Variants in SH3GL2 observed in about 807,000 individuals in gnomAD.
The protein encoded by SH3GL2 is SH3 domain containing GRB2 like 2, endophilin A1.
SH3GL2 carries 24 observed loss-of-function variants against 46.0 expected under a neutral mutation model. The observed-to-expected ratio is 0.52, with a 90% CI of 0.38 to 0.73. The LOEUF is 0.73. Among genes scored for constraint, SH3GL2 ranks in the 30% least tolerant of loss-of-function variants. The probability of loss-of-function intolerance (pLI) is 0.00; values close to 1 mark genes in which losing one functional copy is unlikely to be tolerated. For missense variants in SH3GL2, 413 were observed against 424.2 expected (o/e 0.97, Z 0.23); for synonymous variants, 196 against 147.1 (o/e 1.33, Z -2.40).
Position 17,607,575 on chromosome 9 carries a change from C to T in SH3GL2, c.45+28288C>T, listed in dbSNP as rs74493608. ...GCCATCGTTGACCAAAATGTCTATG[C>T]GGCACGTGGCTGTATTTAGCTGAAC... On this transcript the variant is annotated intron_variant, in intron 1 of 8. Coordinates refer to ENST00000380607, the MANE Select transcript of SH3GL2 (RefSeq NM_003026.5). Among the ~76,000 whole-genome samples, 1,403 of 152,250 alleles carry T rather than the reference C, an allele frequency of 9.2e-3. 20 individuals carry two copies. Among genetic ancestry groups the T allele is most frequent in the African/African-American group, 0.031 (1,295 of 41,530 alleles).
intron 1 of SH3GL2, among the ~76,000 whole-genome samples, chr9:17,583,684 C>A (rs1284407852): frequency 1.3e-5 from 2 of 152,052 alleles, no homozygotes; most frequent in Non-Finnish European, 2.9e-5. Context: ...TTTGGGTAGG[C>A]TGGGTTTTAT....
intron 1 of SH3GL2, among the ~76,000 whole-genome samples, chr9:17,735,468 C>T (rs1386622507): frequency 2.0e-5 from 3 of 152,032 alleles, no homozygotes; most frequent in Admixed American, 6.6e-5. Context: ...CTACAGTTGA[C>T]CCTTGAACAA....
rs73424588 is a variant in SH3GL2, at chr9:17,789,639, A to G, written c.624+89A>G. ...GGCCATAACCCTTAAAAGCATTAAT[A>G]TCTGATTACACTATGTGATAAGAAC... is the stretch of plus-strand genomic sequence containing the variant. On this transcript the variant is annotated intron_variant, in intron 6 of 8. Coordinates refer to ENST00000380607, the MANE Select transcript of SH3GL2 (RefSeq NM_003026.5). The G allele has an allele frequency of 1.9e-3, 3,043 of 1,569,620 alleles. 49 individuals are homozygous for G. The African/African-American group carries it at 0.037, about 19-fold the overall frequency.
chr9:17,621,285 A>T (rs1278526374), intron 1 of SH3GL2, among the ~76,000 whole-genome samples: 1 of 152,244 alleles, frequency 6.6e-6, no homozygotes. Context: ...TTGGAGGTAT[A>T]GCTGAACTAC....
At chr9:17,677,898 G>A (rs981940939) in intron 1 of SH3GL2, among the ~76,000 whole-genome samples, 3 of 151,792 alleles carry the variant, frequency 2.0e-5, no homozygotes, top group Non-Finnish European at 4.4e-5. Context: ...TTGTCCTTGC[G>A]ATAGTTTGCT....
intron 1 of SH3GL2, among the ~76,000 whole-genome samples, chr9:17,700,070 G>A (rs535254503): frequency 1.4e-5 from 2 of 144,982 alleles, no homozygotes; most frequent in South Asian, 4.5e-4. Context: ...AATAGTTCTG[G>A]CTACCACAAT....
At chr9:17,683,812 C>G (rs1450594043) in intron 1 of SH3GL2, among the ~76,000 whole-genome samples, 1 of 152,016 alleles carries the variant, frequency 6.6e-6, no homozygotes, top group Non-Finnish European at 1.5e-5. Context: ...AACACTGTGG[C>G]AAACCAGCCC....
intron 1 of SH3GL2, among the ~76,000 whole-genome samples, chr9:17,731,065 C>T (rs976788327): frequency 6.6e-6 from 1 of 152,118 alleles, no homozygotes; most frequent in Non-Finnish European, 1.5e-5. Flanking sequence ...TTCTGTGGTT[C>T]TGCAGATGAA....
intron 1 of SH3GL2, among the ~76,000 whole-genome samples, chr9:17,671,567 G>A (rs970258122): frequency 6.6e-6 from 1 of 152,050 alleles, no homozygotes; most frequent in African/African-American, 2.4e-5. Flanking sequence ...ATCACTCATT[G>A]CATGCTTGTA....
At chr9:17,692,176 A>G (rs1821097024) in intron 1 of SH3GL2, among the ~76,000 whole-genome samples, 2 of 152,118 alleles carry the variant, frequency 1.3e-5, no homozygotes, top group South Asian at 4.1e-4. Context: ...TTAAAAAAGT[A>G]GAGGGTGCTT....
intron 1 of SH3GL2, among the ~76,000 whole-genome samples, chr9:17,593,497 G>A (rs1460724944): frequency 6.6e-6 from 1 of 152,106 alleles, no homozygotes; most frequent in Non-Finnish European, 1.5e-5. Flanking sequence ...TGGGTATTTT[G>A]AGGTATATAT....
chr9:17,582,264 T>C (rs1818291504), intron 1 of SH3GL2, among the ~76,000 whole-genome samples: 2 of 104,722 alleles, frequency 1.9e-5, no homozygotes, highest in South Asian at 2.7e-4. Flanking sequence ...CATGAAAATA[T>C]ATAATGATAC....
At position 17,600,430 on chromosome 9, in the gene SH3GL2, C is replaced by T. The variant is rs910461215; in HGVS notation, c.45+21143C>T. ...TCCACACAAGCCTTTCTCAGGGAGA[C>T]GGTTAAACAGCACAGCTGGCTCCGA... On this transcript the variant is annotated intron_variant, in intron 1 of 8. Transcript: ENST00000380607. Among the ~76,000 whole-genome samples the T allele has an allele frequency of 2.4e-4, 36 of 152,170 alleles. 1 individual carries two copies. Among genetic ancestry groups the T allele is most frequent in the East Asian group, 3.8e-4 (2 of 5,200 alleles).
intron 1 of SH3GL2, among the ~76,000 whole-genome samples, chr9:17,741,951 T>A (rs990302419): frequency 6.6e-6 from 1 of 151,912 alleles, no homozygotes; most frequent in African/African-American, 2.4e-5. Context: ...ATTGGTAGAA[T>A]TTGAAGAGTA....
intron 1 of SH3GL2, among the ~76,000 whole-genome samples, chr9:17,637,129 G>A (rs1214649049): frequency 6.6e-6 from 1 of 152,206 alleles, no homozygotes; most frequent in African/African-American, 2.4e-5. Flanking sequence ...GCAGTAAATG[G>A]TGGTATCTTG....
rs757775684 is a variant in SH3GL2, at chr9:17,793,417, G to A, written c.779G>A (p.Arg260Gln). 9.9e-6 allele frequency: 16 copies of A among 1,612,526 alleles called. No homozygotes were observed. The highest frequency in any genetic ancestry group is 1.2e-5 in the Non-Finnish European group (14 of 1,179,354). ...QPRREYQPKP[R>Q]MSLEFPTGDS... The stretch of plus-strand genomic sequence containing the variant: ...AGAAGGGAATATCAACCTAAACCAC[G>A]AATGAGCCTGGAGTTTCCAACTGGA... Residue 260 changes from arginine (R) to glutamine (Q), a missense_variant, in exon 8 of 9, where the codon CGA becomes CAA. Arg to Gln is a conservative substitution (Grantham distance 43, BLOSUM62 1). Around this residue, in one of 3 missense-constraint regions of SH3GL2, gnomAD observed 248 missense variants for 215.0 expected, o/e 1.15. Coordinates refer to ENST00000380607, the MANE Select transcript of SH3GL2 (RefSeq NM_003026.5).
At chr9:17,613,116 C>T (rs968693581) in intron 1 of SH3GL2, among the ~76,000 whole-genome samples, 2 of 152,102 alleles carry the variant, frequency 1.3e-5, no homozygotes, top group African/African-American at 4.8e-5. Flanking sequence ...TGTCTAAATA[C>T]GGTCTTTTAT....
At chr9:17,734,423 A>G (rs1283668135) in intron 1 of SH3GL2, among the ~76,000 whole-genome samples, 2 of 152,144 alleles carry the variant, frequency 1.3e-5, no homozygotes, top group East Asian at 3.9e-4. Context: ...TTACTCAATT[A>G]TACTGTACAG....
At chr9:17,673,339 A>T (rs1367996633) in intron 1 of SH3GL2, among the ~76,000 whole-genome samples, 1 of 142,816 alleles carries the variant, frequency 7.0e-6, no homozygotes, top group African/African-American at 2.7e-5. Context: ...TTTTTTATAG[A>T]GGCGGGGTTT....
Sources: gnomAD v4.1 joint callset for allele counts (sites outside exome capture counted in the v4.1 genomes callset) on GRCh38, gnomAD v4.1.1 for gene constraint, gnomAD v4.1.1 regional missense constraint, MANE v1.5 for transcripts, NCBI Gene and HGNC (gene_info 2026-07-23, HGNC 2026-07-21) for gene names.